Variants in MED31 observed in about 807,000 individuals in gnomAD.
MED31 encodes mediator of RNA polymerase II transcription subunit 31.
In MED31, 11 loss-of-function variants were observed where a neutral mutation model predicts 22.0. That is an observed-to-expected ratio of 0.50 (90% CI 0.31 to 0.83). The LOEUF (loss-of-function observed/expected upper bound fraction) is 0.83, where lower values mean the gene tolerates loss of function less well. MED31 is among the 40% of genes least tolerant of loss of function. The pLI is 0.04. For synonymous variants in MED31, 60 were observed against 55.1 expected, an observed-to-expected ratio of 1.09 and a Z score of -0.40; for missense variants, 122 against 155.3, an observed-to-expected ratio of 0.79 and a Z score of 1.14.
At position 6,644,493 on chromosome 17, in the gene MED31, G is replaced by A; in HGVS notation, c.370C>T (p.Gln124Ter). The change falls in exon 4 of 4, where the codon CAG becomes TAG. Residue 124 changes from glutamine to a stop codon, truncating the protein, a stop_gained. Coordinates refer to ENST00000225728, the MANE Select transcript of MED31 (RefSeq NM_016060.3). LOFTEE classifies it high-confidence loss of function. ...RLQQALAEQQQQNNTSGK is the reference protein window; with the variant it reads ...RLQQALAEQQ ...CATTTTCCCGATGTGTTATTTTGCT[G>A]TTGCTGCTCTGCCAAGGCTTGCTGA... The A allele has an allele frequency of 4.4e-6, 7 of 1,605,692 alleles. No individual in the cohort carries two copies. The highest frequency in any genetic ancestry group is 5.9e-6 in the Non-Finnish European group (7 of 1,177,058).
chr17:6,650,273 A>C, intron 2 of MED31, 83 bp downstream of exon 2: 1 of 1,409,458 alleles, frequency 7.1e-7, no homozygotes. Context: ...GAATGTGTAA[A>C]AGTAGATACT....
At chr17:6,644,764 A>G (rs187227754) in intron 3 of MED31, 105 bp from the exon 4 acceptor site, 21 of 1,315,110 alleles carry the variant, frequency 1.6e-5, no homozygotes, top group African/African-American at 6.0e-5. Flanking sequence ...TACCATTTCT[A>G]TAACAGTAAC....
At chr17:6,648,173 C>A (rs553714484) in intron 3 of MED31, among the ~76,000 whole-genome samples, 1 of 152,292 alleles carries the variant, frequency 6.6e-6, no homozygotes, top group South Asian at 2.1e-4. Context: ...GGTGTATGAC[C>A]ACATGAAGAA....
Position 6,650,006 on chromosome 17 carries a change from T to C in MED31, c.179A>G (p.Asp60Gly), listed in dbSNP as rs1435113189. The C allele has an allele frequency of 6.2e-7, 1 of 1,604,550 alleles. No individual in the cohort carries two copies. The highest frequency in any genetic ancestry group is 1.3e-5 in the African/African-American group (1 of 74,268). Reference sequence around the variant, plus strand: ...CTTTAGATACTTGGCATATTCTGGGTCTTTCCAGTAAAGCAAGTATTTAAG... The same window carrying C: ...CTTTAGATACTTGGCATATTCTGGGCCTTTCCAGTAAAGCAAGTATTTAAG... Reference protein sequence around the residue: ...NYLKYLLYWKDPEYAKYLKYP... With the variant: ...NYLKYLLYWKGPEYAKYLKYP... Residue 60 changes from aspartate to glycine, a missense_variant, in exon 3 of 4, where the codon GAC becomes GGC. Transcript: ENST00000225728.
intron 3 of MED31, among the ~76,000 whole-genome samples, 176 bp from the exon 4 acceptor site, chr17:6,644,835 A>T (rs748140984): frequency 5.3e-5 from 8 of 152,244 alleles, no homozygotes; most frequent in Non-Finnish European, 1.0e-4. Flanking sequence ...TCAGTGTTCA[A>T]TATTTTCGAA....
chr17:6,644,436 TGTATTAA>T lies in MED31; in HGVS notation c.*24_*30del. 1 of 1,552,788 alleles carries T rather than the reference TGTATTAA, an allele frequency of 6.4e-7. No homozygotes were observed. The highest frequency in any genetic ancestry group is 1.4e-5 in the African/African-American group (1 of 72,832). ...GTACAAAAGAAATACATTATATACA[TGTATTAA>T]GTGCCTCGTTTGTATCCAGTTTTTC... On this transcript the variant is annotated 3_prime_UTR_variant, in exon 4 of 4. Coordinates refer to ENST00000225728, the MANE Select transcript of MED31 (RefSeq NM_016060.3).
intron 1 of MED31, among the ~76,000 whole-genome samples, chr17:6,651,104 G>A: frequency 2.0e-5 from 1 of 48,782 alleles, no homozygotes; most frequent in African/African-American, 9.8e-5. Flanking sequence ...CTGGGCGACA[G>A]AGCCAGACGC....
intron 3 of MED31, among the ~76,000 whole-genome samples, chr17:6,649,424 A>G (rs2150949325): frequency 6.6e-6 from 1 of 152,154 alleles, no homozygotes; most frequent in African/African-American, 2.4e-5. Flanking sequence ...CAACTCTAAG[A>G]CTCAGGTAAG....
chr17:6,650,045 G>A lies in MED31; in HGVS notation c.140C>T (p.Ala47Val), dbSNP rs753808431. 1 of 1,602,838 alleles carries A rather than the reference G, an allele frequency of 6.2e-7. No individual in the cohort carries two copies. Among genetic ancestry groups the A allele is most frequent in the Non-Finnish European group, 8.5e-7 (1 of 1,177,250 alleles). The change falls in exon 3 of 4, where the codon GCT (alanine) becomes GTT (valine). Residue 47 changes from alanine (A) to valine (V), a missense_variant. Transcript: ENST00000225728. ...CAAGTATTTAAGATAATTAACAAAAGCTTTGTCTTTGAAGTAACCTCTTTG... is the reference window on the plus strand; with the variant it reads ...CAAGTATTTAAGATAATTAACAAAAACTTTGTCTTTGAAGTAACCTCTTTG... ...LAQRGYFKDK[A>V]FVNYLKYLLY... is the part of the protein sequence containing the mutation.
chr17:6,643,493 A>C lies in MED31; in HGVS notation c.*974T>G, dbSNP rs190904458. 1 of 153,694 alleles carries C rather than the reference A, an allele frequency of 6.5e-6. No individual in the cohort carries two copies. Among genetic ancestry groups the C allele is most frequent in the East Asian group, 1.9e-4 (1 of 5,228 alleles). The allele number at this position is 153,694 out of a possible 1,614,324, so 9.5% of individuals were successfully genotyped here. On this transcript the variant is annotated 3_prime_UTR_variant, in exon 4 of 4. Coordinates refer to ENST00000225728, the MANE Select transcript of MED31 (RefSeq NM_016060.3). ...GCAGTTTTGTTTTGTTTAATAAAAA[A>C]CAGACTCCTGAGCACTAGAAGCAGT...
Position 6,650,447 on chromosome 17 carries a change from C to G in MED31, c.29-14G>C. 1.2e-6 allele frequency: 2 copies of G among 1,612,882 alleles called. No homozygotes were observed. The highest frequency in any genetic ancestry group is 1.7e-6 in the Non-Finnish European group (2 of 1,179,220). ...TTCCAGCATCATCTAGGAGACAAGA[C>G]AGCAAAAATCATGGAAAACAAAGGT... is the stretch of plus-strand genomic sequence containing the variant. On this transcript the variant is annotated splice_polypyrimidine_tract_variant and intron_variant, in intron 1 of 3. Coordinates refer to ENST00000225728, the MANE Select transcript of MED31 (RefSeq NM_016060.3).
chr17:6,646,465 A>G (rs1216183858), intron 3 of MED31, among the ~76,000 whole-genome samples: 1 of 152,238 alleles, frequency 6.6e-6, no homozygotes, highest in Non-Finnish European at 1.5e-5. Context: ...TGTACTAAGA[A>G]AAATTGTTCT....
chr17:6,650,023 G>GT lies in MED31; in HGVS notation c.161dup (p.Tyr54Ter). 6.2e-7 allele frequency: 1 copy of GT among 1,603,528 alleles called. No individual in the cohort carries two copies. Among genetic ancestry groups the GT allele is most frequent in the Non-Finnish European group, 8.5e-7 (1 of 1,177,418 alleles). Residue 54 changes from tyrosine (Y) to a stop codon, truncating the protein, a stop_gained and frameshift_variant, in exon 3 of 4, where the codon TAC (tyrosine) becomes TAAC (stop). Transcript: ENST00000225728. LOFTEE classifies it high-confidence loss of function. Reference sequence around the variant, plus strand: ...ATTCTGGGTCTTTCCAGTAAAGCAAGTATTTAAGATAATTAACAAAAGCTT... The same window carrying GT: ...ATTCTGGGTCTTTCCAGTAAAGCAAGTTATTTAAGATAATTAACAAAAGCTT... ...KDKAFVNYLK[Y>*]LLYWKDPEYA... is the part of the protein sequence containing the mutation.
intron 3 of MED31, among the ~76,000 whole-genome samples, chr17:6,649,100 A>G (rs1972798790): frequency 1.3e-5 from 2 of 150,818 alleles, no homozygotes. Flanking sequence ...TGACTTTGAG[A>G]GAAGTTTGAA....
chr17:6,649,826 C>A, intron 3 of MED31, 156 bp downstream of exon 3: 2 of 682,536 alleles, frequency 2.9e-6, no homozygotes, highest in Non-Finnish European at 4.4e-6. Flanking sequence ...TAGATTACTG[C>A]AGTGTTACAA....
intron 3 of MED31, among the ~76,000 whole-genome samples, chr17:6,645,742 T>C (rs896812996): frequency 9.2e-5 from 14 of 152,328 alleles, no homozygotes; most frequent in Middle Eastern, 3.4e-3. Context: ...ATATAATTCC[T>C]TACAATCGAA....
chr17:6,650,088 A>AT lies in MED31; in HGVS notation c.107-11dup. ...CCTCTTTGGGCAAGAACTGAAAAGC[A>AT]TTAAAAAAAAAAATCTGTAGGTCAA... On this transcript the variant is annotated splice_polypyrimidine_tract_variant and intron_variant, in intron 2 of 3. Coordinates refer to ENST00000225728, the MANE Select transcript of MED31 (RefSeq NM_016060.3). 6.3e-7 allele frequency: 1 copy of AT among 1,579,356 alleles called. No individual in the cohort carries two copies. Among genetic ancestry groups the AT allele is most frequent in the Non-Finnish European group, 8.5e-7 (1 of 1,169,834 alleles).
chr17:6,651,408 C>A, intron 1 of MED31, 93 bp downstream of exon 1: 2 of 1,509,128 alleles, frequency 1.3e-6, no homozygotes, highest in Non-Finnish European at 9.1e-7. Flanking sequence ...ATTAACCCTG[C>A]CAAGAGTAAG....
chr17:6,644,475 C>T lies in MED31; in HGVS notation c.388G>A (p.Gly130Arg), dbSNP rs748081672. The change falls in exon 4 of 4, where the codon GGA (glycine) becomes AGA (arginine). Residue 130 changes from glycine (G) to arginine (R), a missense_variant. Transcript: ENST00000225728. The stretch of plus-strand genomic sequence containing the variant: ...CGTTTGTATCCAGTTTTTCATTTTC[C>T]CGATGTGTTATTTTGCTGTTGCTGC... ...AEQQQQNNTS[G>R]K The T allele has an allele frequency of 2.5e-6, 4 of 1,593,930 alleles. No individual in the cohort carries two copies. The highest frequency in any genetic ancestry group is 1.1e-5 in the South Asian group (1 of 87,804).
Sources: allele counts gnomAD v4.1 joint callset (sites outside exome capture counted in the v4.1 genomes callset), GRCh38; gene constraint gnomAD v4.1.1; transcripts MANE v1.5; gene names NCBI Gene and HGNC (gene_info 2026-07-23, HGNC 2026-07-21).